TOP1: variants seen among roughly 807,000 people sequenced by gnomAD.
TOP1 encodes DNA topoisomerase I, also known as DNA topoisomerase 1.
Under a neutral mutation model 111.1 loss-of-function variants are expected in TOP1, and 10 were observed. That is an observed-to-expected ratio of 0.09 (90% CI 0.06 to 0.15). The LOEUF (loss-of-function observed/expected upper bound fraction) is 0.15. Ranked by LOEUF, TOP1 falls within the 10% of genes least tolerant of loss-of-function variation. The pLI, the probability that TOP1 is intolerant of heterozygous loss-of-function variation, is 1.00. For synonymous variants in TOP1, 271 were observed against 302.9 expected, an observed-to-expected ratio of 0.89 and a Z score of 1.10; for missense variants, 474 against 926.7, an observed-to-expected ratio of 0.51 and a Z score of 6.34.
At chr20:41,113,864 A>G (rs542563811) in intron 14 of TOP1, 106 bp from the exon 15 acceptor site, 1 of 933,722 alleles carries the variant, frequency 1.1e-6, no homozygotes, top group East Asian at 2.7e-5. Context: ...GCCTGGCGAC[A>G]GAGCGAGACT....
chr20:41,113,042 T>C, intron 14 of TOP1, 117 bp downstream of exon 14: 1 of 1,068,278 alleles, frequency 9.4e-7, no homozygotes, highest in South Asian at 1.8e-5. Flanking sequence ...CATATATTTG[T>C]ATGTAAAACT....
chr20:41,073,750 G>A (rs1481902807), intron 3 of TOP1, among the ~76,000 whole-genome samples: 1 of 152,218 alleles, frequency 6.6e-6, no homozygotes, highest in African/African-American at 2.4e-5. Flanking sequence ...TGCCTCACAG[G>A]AGTGTTGTGA....
In TOP1 at chr20:41,115,264, C is replaced by T. The variant is rs1195470542; in HGVS notation, c.1639-107C>T. 10 of 699,978 alleles carry T rather than the reference C, an allele frequency of 1.4e-5. No individual in the cohort carries two copies. Among genetic ancestry groups the T allele is most frequent in the Admixed American group, 9.2e-5 (4 of 43,492 alleles). The allele number at this position is 699,978 out of a possible 1,614,324, so 43.4% of individuals were successfully genotyped here. On this transcript the variant is annotated intron_variant, in intron 15 of 20. Coordinates refer to ENST00000361337, the MANE Select transcript of TOP1 (RefSeq NM_003286.4). This position sits in a 1 kb window ranked among gnomAD's most constrained non-coding sequence, Gnocchi z 6.3. ...AGTGAATCTCGGTGACGGATGTATG[C>T]GTGTTCCTTGTGCCTTTTTCTTTGC...
At chr20:41,031,539 C>G (rs1208459334) in intron 2 of TOP1, among the ~76,000 whole-genome samples, 2 of 152,194 alleles carry the variant, frequency 1.3e-5, no homozygotes, top group African/African-American at 4.8e-5. Context: ...TGTGTTGGCT[C>G]ACATTTAATA....
intron 2 of TOP1, among the ~76,000 whole-genome samples, chr20:41,040,419 T>C (rs1335706053): frequency 6.6e-6 from 1 of 152,232 alleles, no homozygotes; most frequent in East Asian, 1.9e-4. Context: ...TTCTTAGGAA[T>C]TGATTGTGGC....
Position 41,101,605 on chromosome 20 carries a change from A to G in TOP1, c.1308+252A>G, listed in dbSNP as rs2034065423. Among the ~76,000 whole-genome samples, 1 of 152,186 alleles carries G rather than the reference A, an allele frequency of 6.6e-6. No homozygotes were observed. Among genetic ancestry groups the G allele is most frequent in the Admixed American group, 6.5e-5 (1 of 15,276 alleles). On this transcript the variant is annotated intron_variant, in intron 13 of 20. Transcript: ENST00000361337. The surrounding 1 kb of genome is among the most constrained non-coding windows in gnomAD (Gnocchi z 4.1). The stretch of plus-strand genomic sequence containing the variant: ...CCCAAATGTGCCCCACACAGTATAC[A>G]TTTGATGCTAGGAATTATGTTGGTA...
Position 41,095,200 on chromosome 20 carries a change from G to A in TOP1, c.731-2020G>A, listed in dbSNP as rs1477875710. Among the ~76,000 whole-genome samples the A allele has an allele frequency of 6.6e-6, 1 of 151,908 alleles. No homozygotes were observed. The highest frequency in any genetic ancestry group is 1.5e-5 in the Non-Finnish European group (1 of 67,974). On this transcript the variant is annotated intron_variant, in intron 9 of 20. Coordinates refer to ENST00000361337, the MANE Select transcript of TOP1 (RefSeq NM_003286.4). This position sits in a 1 kb window ranked among gnomAD's most constrained non-coding sequence, Gnocchi z 4.6. ...CCAAGTAGCTGAAATTAACAGGCAC[G>A]TGCCACCACACCTAAGTTTTGTATT... is the stretch of plus-strand genomic sequence containing the variant.
chr20:41,073,374 GAAAA>G (rs397692656), intron 3 of TOP1: 19 of 749,232 alleles, frequency 2.5e-5, no homozygotes, highest in Admixed American at 1.1e-4. Context: ...GGAAGACAAT[GAAAA>G]AAAAAAAAAA....
At chr20:41,081,806 A>G (rs1486427472) in intron 7 of TOP1, among the ~76,000 whole-genome samples, 1 of 151,968 alleles carries the variant, frequency 6.6e-6, no homozygotes, top group Non-Finnish European at 1.5e-5. Context: ...TCTTTTCCAC[A>G]CCAGATTCTT....
chr20:41,108,212 T>TC (rs2034178312), intron 13 of TOP1, among the ~76,000 whole-genome samples: 1 of 152,244 alleles, frequency 6.6e-6, no homozygotes, highest in Non-Finnish European at 1.5e-5. Context: ...TCTCCTATTC[T>TC]AAGAGTCGTC....
In TOP1 at chr20:41,097,970, A is replaced by G. The variant is rs1488296188; in HGVS notation, c.853-245A>G. On this transcript the variant is annotated intron_variant, in intron 10 of 20. Transcript: ENST00000361337. This position sits in a 1 kb window ranked among gnomAD's most constrained non-coding sequence, Gnocchi z 4.2. ...TGTGCCACGGAGTCTAAGAAACCAC[A>G]TAAGAATTCATTTTTTTCCATGATA... Among the ~76,000 whole-genome samples the G allele has an allele frequency of 6.6e-6, 1 of 152,198 alleles. No homozygotes were observed. The highest frequency in any genetic ancestry group is 2.4e-5 in the African/African-American group (1 of 41,450).
chr20:41,083,164 A>G lies in TOP1; in HGVS notation c.508-1298A>G, dbSNP rs1352742197. 6.6e-6 allele frequency among the ~76,000 whole-genome samples: 1 copy of G among 152,188 alleles called. No individual in the cohort carries two copies. Among genetic ancestry groups the G allele is most frequent in the East Asian group, 1.9e-4 (1 of 5,202 alleles). On this transcript the variant is annotated intron_variant, in intron 7 of 20. Transcript: ENST00000361337. The surrounding 1 kb of genome is among the most constrained non-coding windows in gnomAD (Gnocchi z 7.2). The stretch of plus-strand genomic sequence containing the variant: ...CTTGAAAACATACAATGTAGCCAGT[A>G]GTTTCCTGATGGGACCAGCTGGATG...
intron 18 of TOP1, among the ~76,000 whole-genome samples, chr20:41,119,341 G>A (rs1352845772): frequency 6.6e-6 from 1 of 152,220 alleles, no homozygotes; most frequent in East Asian, 1.9e-4. Context: ...GAAGCTGGGT[G>A]CAGTGGCTCA....
Position 41,081,239 on chromosome 20 carries a change from A to C in TOP1, c.506A>C (p.Glu169Ala), listed in dbSNP as rs1385641118. ...AAGAAAAGAAAACTAGAAGAAGAAGAGGTTAGTAAAGAGACTTAGGTCCTT... is the reference window on the plus strand; with the variant it reads ...AAGAAAAGAAAACTAGAAGAAGAAGCGGTTAGTAAAGAGACTTAGGTCCTT... ...KEKKRKLEEEEDGKLKKPKNK... is the reference protein window; with the variant it reads ...KEKKRKLEEEADGKLKKPKNK... The change falls in exon 7 of 21, where the codon GAG (glutamate) becomes GCG (alanine). Residue 169 changes from glutamate (E) to alanine (A), a missense_variant and splice_region_variant. Physicochemically the swap from Glu to Ala is moderately radical, Grantham distance 107. Coordinates refer to ENST00000361337, the MANE Select transcript of TOP1 (RefSeq NM_003286.4). 5 of 1,602,456 alleles carry C rather than the reference A, an allele frequency of 3.1e-6. No homozygotes were observed. The highest frequency in any genetic ancestry group is 4.3e-6 in the Non-Finnish European group (5 of 1,174,016).
At chr20:41,053,774 A>T (rs1232871206) in intron 2 of TOP1, among the ~76,000 whole-genome samples, 1 of 152,184 alleles carries the variant, frequency 6.6e-6, no homozygotes, top group Non-Finnish European at 1.5e-5. Flanking sequence ...CTGCCATTCT[A>T]CATTCTGCCT....
At chr20:41,072,151 CA>C (rs1349609396) in intron 3 of TOP1, 1 of 794,046 alleles carries the variant, frequency 1.3e-6, no homozygotes, top group Non-Finnish European at 1.5e-6. Flanking sequence ...GAAGTTTCTT[CA>C]GTAATTAATC....
intron 2 of TOP1, among the ~76,000 whole-genome samples, chr20:41,059,575 GA>G (rs2033519977): frequency 6.6e-6 from 1 of 151,762 alleles, no homozygotes; most frequent in South Asian, 2.1e-4. Context: ...ATAAGAAAAT[GA>G]GACTCTTTCC....
At chr20:41,048,647 T>C (rs1260074978) in intron 2 of TOP1, among the ~76,000 whole-genome samples, 1 of 152,248 alleles carries the variant, frequency 6.6e-6, no homozygotes, top group Non-Finnish European at 1.5e-5. Flanking sequence ...CACTTAGTTT[T>C]TGGCATAATA....
intron 3 of TOP1, chr20:41,072,442 A>G (rs1017299642): frequency 2.0e-6 from 2 of 985,482 alleles, no homozygotes; most frequent in Non-Finnish European, 2.4e-6. Context: ...TACATGTTAG[A>G]AAATCTCAAA....
Sources: gnomAD v4.1 joint callset for allele counts (sites outside exome capture counted in the v4.1 genomes callset) on GRCh38, gnomAD v4.1.1 for gene constraint, Gnocchi (gnomAD v3.1) non-coding constraint, MANE v1.5 for transcripts, NCBI Gene and HGNC (gene_info 2026-07-23, HGNC 2026-07-21) for gene names.